MMP26: variants seen among roughly 807,000 people sequenced by gnomAD.
MMP26 encodes the protein matrix metalloproteinase-26.
A neutral mutation model predicts 31.0 loss-of-function variants in MMP26; 33 were observed. The ratio of observed to expected loss-of-function variants is 1.06; its 90% CI spans 0.81 to 1.42. The LOEUF is 1.42. Ranked by LOEUF, MMP26 falls within the 40% of genes most tolerant of loss-of-function variation. The pLI, the probability that MMP26 is intolerant of heterozygous loss-of-function variation, is 0.00. For synonymous variants in MMP26, 122 were observed against 114.9 expected (o/e 1.06, Z -0.40); for missense variants, 347 against 316.1 (o/e 1.10, Z -0.74).
intron 2 of MMP26, among the ~76,000 whole-genome samples, chr11:4,962,911 T>A (rs187456168): frequency 1.1e-3 from 167 of 152,254 alleles, no homozygotes; most frequent in African/African-American, 3.8e-3. Context: ...AGCCCACATG[T>A]CAAAGTACAG....
rs990205410 is a variant in MMP26, at chr11:4,724,604, G to A, written c.-217+19559G>A. Among the ~76,000 whole-genome samples, 5 of 152,278 alleles carry A rather than the reference G, an allele frequency of 3.3e-5. 1 individual carries two copies. In the South Asian group the frequency reaches 1.0e-3, roughly 32 times the overall value. ...GCAAAAATTATACCCCAATATTTTG[G>A]AGAATATAAAATCTAAAGATAAGGT... On this transcript the variant is annotated intron_variant, in intron 1 of 7. Transcript: ENST00000380390.
At position 4,796,000 on chromosome 11, in the gene MMP26, T is replaced by C. The variant is rs1480536081; in HGVS notation, c.-145+28659T>C. ...CGTCAGAGTTTCCTTTTTTTCCCTT[T>C]GGAGCCCATTATTTTTTCCTAAGAG... On this transcript the variant is annotated intron_variant, in intron 2 of 7. Transcript: ENST00000380390. 5.3e-5 allele frequency among the ~76,000 whole-genome samples: 8 copies of C among 152,310 alleles called. No individual in the cohort carries two copies. The East Asian group carries it at 1.2e-3, about 22-fold the overall frequency.
At chr11:4,982,908 C>G (rs1846835286) in intron 2 of MMP26, among the ~76,000 whole-genome samples, 1 of 152,180 alleles carries the variant, frequency 6.6e-6, no homozygotes, top group Non-Finnish European at 1.5e-5. Flanking sequence ...ATCACCTCCT[C>G]TATTTACCTC....
Position 4,773,070 on chromosome 11 carries a change from C to T in MMP26, c.-145+5729C>T, listed in dbSNP as rs73397084. 4.5e-3 allele frequency among the ~76,000 whole-genome samples: 682 copies of T among 152,242 alleles called. 4 individuals carry two copies. Among genetic ancestry groups the T allele is most frequent in the African/African-American group, 0.015 (610 of 41,550 alleles). ...GTCAGAAATAAATAATTAAAAGTTTCGCCTCTGTTGTCTTAAAGAGCTAAC... is the reference window on the plus strand; with the variant it reads ...GTCAGAAATAAATAATTAAAAGTTTTGCCTCTGTTGTCTTAAAGAGCTAAC... On this transcript the variant is annotated intron_variant, in intron 2 of 7. Transcript: ENST00000380390.
At chr11:4,881,872 C>T in intron 2 of MMP26, 1 of 1,583,252 alleles carries the variant, frequency 6.3e-7, no homozygotes, top group Non-Finnish European at 8.7e-7. Context: ...ATTTTTCTTT[C>T]CTCATAGTTC....
At chr11:4,779,618 G>C (rs1293312760) in intron 2 of MMP26, among the ~76,000 whole-genome samples, 1 of 151,994 alleles carries the variant, frequency 6.6e-6, no homozygotes, top group African/African-American at 2.4e-5. Context: ...CTCTGAAGCT[G>C]AATATTTCAT....
chr11:4,806,424 T>C (rs929950820), intron 2 of MMP26, among the ~76,000 whole-genome samples: 1 of 152,170 alleles, frequency 6.6e-6, no homozygotes, highest in African/African-American at 2.4e-5. Flanking sequence ...GGTGCATATA[T>C]ATTTAGGATA....
chr11:4,970,242 A>G (rs865174), intron 2 of MMP26, among the ~76,000 whole-genome samples: 15,760 of 152,234 alleles, frequency 0.1, 1,596 homozygotes, highest in East Asian at 0.3. Context: ...AATTGAGGTT[A>G]CTGACTCAAT....
intron 2 of MMP26, among the ~76,000 whole-genome samples, chr11:4,805,585 C>T (rs1849256344): frequency 6.6e-6 from 1 of 152,156 alleles, no homozygotes; most frequent in Non-Finnish European, 1.5e-5. Context: ...GCTGTGAACC[C>T]CACACTATCT....
intron 1 of MMP26, among the ~76,000 whole-genome samples, chr11:4,739,012 AT>A (rs1196956742): frequency 6.6e-6 from 1 of 152,130 alleles, no homozygotes; most frequent in Non-Finnish European, 1.5e-5. Context: ...TGATTTTCTT[AT>A]CTGTTGTCAC....
chr11:4,900,100 C>T (rs1175571405), intron 2 of MMP26, among the ~76,000 whole-genome samples: 1 of 152,158 alleles, frequency 6.6e-6, no homozygotes, highest in African/African-American at 2.4e-5. Context: ...TCAACTCTAC[C>T]TGTTCTATTT....
chr11:4,782,397 A>G (rs1165434288), intron 2 of MMP26, among the ~76,000 whole-genome samples: 1 of 152,228 alleles, frequency 6.6e-6, no homozygotes, highest in Non-Finnish European at 1.5e-5. Flanking sequence ...TGAAACTTTG[A>G]ACTTAACAGA....
intron 2 of MMP26, among the ~76,000 whole-genome samples, chr11:4,900,732 G>A (rs2133558331): frequency 6.6e-6 from 1 of 152,208 alleles, no homozygotes; most frequent in South Asian, 2.1e-4. Flanking sequence ...CCATCCACAT[G>A]CCACTTCATC....
At chr11:4,896,469 G>T (rs750122659) in intron 2 of MMP26, among the ~76,000 whole-genome samples, 19 of 152,120 alleles carry the variant, frequency 1.2e-4, no homozygotes, top group Non-Finnish European at 1.5e-5. Context: ...TCAGATCACA[G>T]CTTTTACTGA....
At position 4,990,684 on chromosome 11, in the gene MMP26, C is replaced by T. The variant is rs781730004; in HGVS notation, c.407C>T (p.Pro136Leu). Residue 136 changes from proline (P) to leucine (L), a missense_variant, in exon 5 of 8, where the codon CCT (proline) becomes CTT (leucine). Coordinates refer to ENST00000380390, the MANE Select transcript of MMP26 (RefSeq NM_021801.5). ...NAVSIWSNVTPLIFQQVQNGD... is the reference protein window; with the variant it reads ...NAVSIWSNVTLLIFQQVQNGD... ...GTTTCCATCTGGAGCAATGTGACCC[C>T]TTTGATATTCCAGCAAGTGCAGAAT... The T allele has an allele frequency of 1.9e-6, 3 of 1,614,062 alleles. No individual in the cohort carries two copies. The Admixed American group carries it at 5.0e-5, about 27-fold the overall frequency.
At chr11:4,780,746 C>A (rs1230529633) in intron 2 of MMP26, among the ~76,000 whole-genome samples, 8 of 151,530 alleles carry the variant, frequency 5.3e-5, no homozygotes, top group Admixed American at 5.3e-4. Flanking sequence ...TATTTTTTTG[C>A]AAAGTACTGA....
At chr11:4,933,908 A>AT (rs1356243048) in intron 2 of MMP26, among the ~76,000 whole-genome samples, 4 of 148,686 alleles carry the variant, frequency 2.7e-5, no homozygotes, top group South Asian at 4.3e-4. Flanking sequence ...TGAACTCATC[A>AT]TTTTTTATGG....
intron 2 of MMP26, among the ~76,000 whole-genome samples, chr11:4,834,244 G>A (rs1360046992): frequency 2.0e-5 from 3 of 152,064 alleles, no homozygotes; most frequent in African/African-American, 7.2e-5. Flanking sequence ...CTTCTGAATT[G>A]AGGGGCGCTC....
intron 2 of MMP26, among the ~76,000 whole-genome samples, chr11:4,868,740 A>T (rs1401246261): frequency 6.6e-6 from 1 of 152,198 alleles, no homozygotes; most frequent in Admixed American, 6.5e-5. Flanking sequence ...ATGGAACCAA[A>T]AAAGAGCCCA....
Sources: allele counts gnomAD v4.1 joint callset (sites outside exome capture counted in the v4.1 genomes callset), GRCh38; gene constraint gnomAD v4.1.1; transcripts MANE v1.5; gene names NCBI Gene and HGNC (gene_info 2026-07-23, HGNC 2026-07-21).